IMPG1: variants seen among roughly 807,000 people sequenced by gnomAD.
The protein encoded by IMPG1 is interphotoreceptor matrix proteoglycan of 150 kDa.
In IMPG1, 85 loss-of-function variants were observed where a neutral mutation model predicts 92.0. That is an observed-to-expected ratio of 0.92 (90% CI 0.78 to 1.11). The LOEUF is 1.11. IMPG1 is among the 50% of genes least tolerant of loss of function. The pLI, the probability that IMPG1 is intolerant of heterozygous loss-of-function variation, is 0.00. For missense variants in IMPG1, 1,022 were observed against 956.0 expected (o/e 1.07, Z -0.91); for synonymous variants, 367 against 334.1 (o/e 1.10, Z -1.08).
At chr6:76,033,488 C>G (rs752015653) in intron 4 of IMPG1, among the ~76,000 whole-genome samples, 2 of 152,206 alleles carry the variant, frequency 1.3e-5, no homozygotes, top group Non-Finnish European at 2.9e-5. Context: ...AGACATAAAT[C>G]TAACAGCAGT....
intron 12 of IMPG1, among the ~76,000 whole-genome samples, chr6:75,951,914 C>T (rs4529265): frequency 0.099 from 14,994 of 151,298 alleles, 1,049 homozygotes; most frequent in East Asian, 0.35. Context: ...TGCATTCCAG[C>T]CTGGGTGACA....
intron 12 of IMPG1, among the ~76,000 whole-genome samples, chr6:75,983,203 A>C (rs1397155355): frequency 6.6e-6 from 1 of 151,876 alleles, no homozygotes; most frequent in Non-Finnish European, 1.5e-5. Flanking sequence ...TTTCAATAAA[A>C]TACTAAGCAA....
At chr6:76,018,613 A>G in intron 7 of IMPG1, 105 bp downstream of exon 7, 1 of 1,019,088 alleles carries the variant, frequency 9.8e-7, no homozygotes, top group Non-Finnish European at 1.4e-6. Flanking sequence ...TTAAACATGA[A>G]TGCCAGGAGA....
chr6:75,929,654 C>A (rs1781630598), intron 15 of IMPG1, among the ~76,000 whole-genome samples: 1 of 149,122 alleles, frequency 6.7e-6, no homozygotes, highest in Admixed American at 6.7e-5. Flanking sequence ...ACATATGTAA[C>A]AAACCTGCAT....
chr6:76,015,903 A>T (rs977213930), intron 7 of IMPG1, among the ~76,000 whole-genome samples: 1 of 151,900 alleles, frequency 6.6e-6, no homozygotes, highest in South Asian at 2.1e-4. Context: ...TGGGAAAAAT[A>T]GGAGGCATGA....
intron 1 of IMPG1, among the ~76,000 whole-genome samples, chr6:76,059,038 G>C (rs983713199): frequency 6.6e-6 from 1 of 152,104 alleles, no homozygotes; most frequent in Non-Finnish European, 1.5e-5. Context: ...CGGACAAAAT[G>C]GCAGAGGCTG....
chr6:75,942,243 T>C (rs1781846576), intron 14 of IMPG1, among the ~76,000 whole-genome samples: 1 of 152,222 alleles, frequency 6.6e-6, no homozygotes, highest in African/African-American at 2.4e-5. Flanking sequence ...GCTGCCTTTT[T>C]TTCTTGTCAA....
intron 7 of IMPG1, among the ~76,000 whole-genome samples, chr6:76,016,286 C>T (rs1306665032): frequency 3.3e-5 from 5 of 152,122 alleles, no homozygotes; most frequent in Non-Finnish European, 7.4e-5. Context: ...AATATATTTG[C>T]ATTATTCTAC....
intron 12 of IMPG1, among the ~76,000 whole-genome samples, chr6:75,952,890 C>T (rs1782058059): frequency 6.6e-6 from 1 of 152,172 alleles, no homozygotes; most frequent in Admixed American, 6.5e-5. Flanking sequence ...CTTGATCTGG[C>T]ATTTCTTGGT....
intron 12 of IMPG1, among the ~76,000 whole-genome samples, chr6:75,967,384 C>A (rs542383802): frequency 2.7e-4 from 41 of 152,144 alleles, no homozygotes; most frequent in African/African-American, 9.6e-4. Flanking sequence ...GATTAGCATT[C>A]TTATAAAAGA....
At chr6:76,048,492 G>A (rs772854386) in intron 1 of IMPG1, among the ~76,000 whole-genome samples, 11 of 152,136 alleles carry the variant, frequency 7.2e-5, no homozygotes, top group Non-Finnish European at 1.5e-4. Flanking sequence ...TTTGCCTCCT[G>A]TGACTATTTG....
intron 5 of IMPG1, chr6:76,024,975 G>C (rs1347923344): frequency 1.7e-6 from 1 of 594,698 alleles, no homozygotes; most frequent in Non-Finnish European, 3.1e-6. Flanking sequence ...TTTCCAAACT[G>C]TAAGATATTG....
At chr6:76,059,268 G>A (rs1050064771) in intron 1 of IMPG1, among the ~76,000 whole-genome samples, 3 of 152,098 alleles carry the variant, frequency 2.0e-5, no homozygotes, top group Admixed American at 2.0e-4. Flanking sequence ...CACCCATTAA[G>A]CAATGTCCTG....
Position 75,936,276 on chromosome 6 carries a change from G to A in IMPG1, c.2045-5125C>T, listed in dbSNP as rs556706949. On this transcript the variant is annotated intron_variant, in intron 14 of 16. Coordinates refer to ENST00000369950, the MANE Select transcript of IMPG1 (RefSeq NM_001563.4). ...ACGTCTCCCATTCTGCGTGTTCCAC[G>A]GCATAAAGCCAACGGAGGTGGCTCA... is the stretch of plus-strand genomic sequence containing the variant. Among the ~76,000 whole-genome samples the A allele has an allele frequency of 7.8e-4, 119 of 152,338 alleles. 1 individual carries two copies. The highest frequency in any genetic ancestry group is 2.7e-3 in the African/African-American group (112 of 41,576).
At chr6:75,932,814 C>A (rs928953998) in intron 14 of IMPG1, among the ~76,000 whole-genome samples, 1 of 152,076 alleles carries the variant, frequency 6.6e-6, no homozygotes, top group Non-Finnish European at 1.5e-5. Context: ...GATTCTCCTG[C>A]CTCAGCCTCT....
At chr6:76,063,459 C>T (rs1402099009) in intron 1 of IMPG1, among the ~76,000 whole-genome samples, 2 of 152,096 alleles carry the variant, frequency 1.3e-5, no homozygotes, top group African/African-American at 4.8e-5. Flanking sequence ...TTTGTTTCTC[C>T]TTGCCCTGGT....
intron 14 of IMPG1, among the ~76,000 whole-genome samples, chr6:75,935,481 G>A (rs980746374): frequency 6.6e-6 from 1 of 152,222 alleles, no homozygotes; most frequent in African/African-American, 2.4e-5. Flanking sequence ...GCGCTGGGGG[G>A]TCGACCCCGC....
intron 15 of IMPG1, among the ~76,000 whole-genome samples, chr6:75,930,330 CGAG>C (rs1165113182): frequency 1.3e-5 from 2 of 152,050 alleles, no homozygotes; most frequent in African/African-American, 4.8e-5. Context: ...GACTATAAAA[CGAG>C]AAAGTCTGTT....
intron 13 of IMPG1, among the ~76,000 whole-genome samples, chr6:75,949,807 A>G (rs959943116): frequency 1.3e-5 from 2 of 152,160 alleles, no homozygotes; most frequent in African/African-American, 2.4e-5. Context: ...ATTGGGTTTC[A>G]TGTGGATTTT....
Sources: gnomAD v4.1 joint callset for allele counts (sites outside exome capture counted in the v4.1 genomes callset) on GRCh38, gnomAD v4.1.1 for gene constraint, MANE v1.5 for transcripts, NCBI Gene and HGNC (gene_info 2026-07-23, HGNC 2026-07-21) for gene names.